Variants in AGBL4 observed in about 807,000 individuals in gnomAD.
AGBL4 encodes cytosolic carboxypeptidase 6.
A neutral mutation model predicts 66.4 loss-of-function variants in AGBL4; 58 were observed. That is an observed-to-expected ratio of 0.87 (90% CI 0.71 to 1.09). The LOEUF is 1.09. AGBL4 is among the 50% of genes least tolerant of loss of function. AGBL4 has a pLI of 0.00. For missense variants in AGBL4, 579 were observed against 631.0 expected, an observed-to-expected ratio of 0.92 and a Z score of 0.88; for synonymous variants, 234 against 222.9, an observed-to-expected ratio of 1.05 and a Z score of -0.44.
intron 4 of AGBL4, among the ~76,000 whole-genome samples, chr1:49,097,475 TA>T (rs562747195): frequency 1.3e-5 from 2 of 152,164 alleles, no homozygotes; most frequent in African/African-American, 4.8e-5. Flanking sequence ...ATACTTAATT[TA>T]AAAAAACCAG....
intron 2 of AGBL4, among the ~76,000 whole-genome samples, chr1:49,770,835 T>C (rs573764325): frequency 6.6e-6 from 1 of 152,332 alleles, no homozygotes; most frequent in South Asian, 2.1e-4. Context: ...ATCCTTTGTA[T>C]TTCTGTGATA....
chr1:48,893,192 G>T (rs1651143401), intron 5 of AGBL4, among the ~76,000 whole-genome samples: 1 of 152,130 alleles, frequency 6.6e-6, no homozygotes, highest in South Asian at 2.1e-4. Flanking sequence ...CCATGACAGA[G>T]GAGCTGGAGG....
At position 49,280,187 on chromosome 1, in the gene AGBL4, C is replaced by A. The variant is rs189108258; in HGVS notation, c.283-34323G>T. 2.4e-4 allele frequency among the ~76,000 whole-genome samples: 37 copies of A among 152,108 alleles called. No homozygotes were observed. In the East Asian group the frequency reaches 6.6e-3, roughly 27 times the overall value. ...CATTTCCCACACCCCTATGATTGCA[C>A]CCCCAACCAGTTAGCAGTAAGAACC... On this transcript the variant is annotated intron_variant, in intron 3 of 13. Coordinates refer to ENST00000371839, the MANE Select transcript of AGBL4 (RefSeq NM_032785.4).
chr1:49,741,764 G>C (rs142370897), intron 2 of AGBL4, among the ~76,000 whole-genome samples: 4,665 of 152,232 alleles, frequency 0.031, 118 homozygotes, highest in Non-Finnish European at 0.048. Flanking sequence ...ATCAATAAAT[G>C]TAGTCCAGCA....
At chr1:49,853,337 G>C (rs1029729906) in intron 1 of AGBL4, among the ~76,000 whole-genome samples, 2 of 152,092 alleles carry the variant, frequency 1.3e-5, no homozygotes, top group African/African-American at 4.8e-5. Context: ...AAAAATCACA[G>C]TAATAGAGAT....
intron 1 of AGBL4, among the ~76,000 whole-genome samples, chr1:49,876,081 C>A (rs1220671044): frequency 6.7e-6 from 1 of 148,258 alleles, no homozygotes; most frequent in South Asian, 2.1e-4. Context: ...GAGTAGGTTG[C>A]GAAAATTTTC....
intron 3 of AGBL4, among the ~76,000 whole-genome samples, chr1:49,544,805 G>A (rs1158101426): frequency 2.6e-5 from 4 of 152,168 alleles, no homozygotes; most frequent in Non-Finnish European, 5.9e-5. Context: ...TAACTGCCTT[G>A]AACATAATGC....
At chr1:49,398,166 A>C (rs1005843168) in intron 3 of AGBL4, among the ~76,000 whole-genome samples, 17 of 152,168 alleles carry the variant, frequency 1.1e-4, no homozygotes, top group Non-Finnish European at 1.9e-4. Flanking sequence ...AGTATTTCTG[A>C]CTGTCTGTGA....
chr1:49,130,459 A>C, intron 4 of AGBL4, among the ~76,000 whole-genome samples: 1 of 152,192 alleles, frequency 6.6e-6, no homozygotes, highest in Non-Finnish European at 1.5e-5. Flanking sequence ...CTAACGTTTA[A>C]GTCTTTAATC....
intron 5 of AGBL4, among the ~76,000 whole-genome samples, chr1:48,926,287 A>C (rs1654562671): frequency 7.0e-6 from 1 of 141,912 alleles, no homozygotes; most frequent in Admixed American, 7.1e-5. Context: ...ATTTTATTTT[A>C]TTTATTTTTG....
Position 48,588,103 on chromosome 1 carries a change from C to CA in AGBL4, c.1105-938_1105-937insT, listed in dbSNP as rs370181971. Among the ~76,000 whole-genome samples the CA allele has an allele frequency of 5.3e-3, 811 of 152,196 alleles. 8 individuals are homozygous for CA. The highest frequency in any genetic ancestry group is 6.9e-3 in the Non-Finnish European group (468 of 68,020). ...ATAGATGAGGAAACTGAGGTTTCCT[C>CA]TCTATAGATGAGGAATATGAGATTG... On this transcript the variant is annotated intron_variant, in intron 10 of 13. Coordinates refer to ENST00000371839, the MANE Select transcript of AGBL4 (RefSeq NM_032785.4).
At chr1:49,417,777 T>G (rs1046717805) in intron 3 of AGBL4, among the ~76,000 whole-genome samples, 3 of 152,160 alleles carry the variant, frequency 2.0e-5, no homozygotes, top group Non-Finnish European at 2.9e-5. Flanking sequence ...GTTTTTTATT[T>G]GACATGCAAT....
At chr1:49,884,948 A>G (rs1315333076) in intron 1 of AGBL4, among the ~76,000 whole-genome samples, 3 of 151,904 alleles carry the variant, frequency 2.0e-5, no homozygotes, top group Non-Finnish European at 4.4e-5. Context: ...ATCTAGAAAT[A>G]GACTTTAGGG....
intron 3 of AGBL4, among the ~76,000 whole-genome samples, chr1:49,463,286 C>T (rs1201765322): frequency 1.3e-5 from 2 of 151,652 alleles, no homozygotes; most frequent in African/African-American, 2.4e-5. Flanking sequence ...TTATGGAGAA[C>T]ATATATACCC....
At chr1:49,329,116 G>T (rs1429674118) in intron 3 of AGBL4, among the ~76,000 whole-genome samples, 1 of 151,740 alleles carries the variant, frequency 6.6e-6, no homozygotes, top group Non-Finnish European at 1.5e-5. Context: ...AGACCAGCCT[G>T]GCCAACATGG....
In AGBL4 at chr1:49,938,694, C is replaced by T. The variant is rs572755162; in HGVS notation, c.34+85069G>A. On this transcript the variant is annotated intron_variant, in intron 1 of 13. Coordinates refer to ENST00000371839, the MANE Select transcript of AGBL4 (RefSeq NM_032785.4). The stretch of plus-strand genomic sequence containing the variant: ...CGGGATGCAAGGCTGGTTCAATATA[C>T]GCAAATCAATAAACGTAATCCAGCA... Among the ~76,000 whole-genome samples, 43 of 152,204 alleles carry T rather than the reference C, an allele frequency of 2.8e-4. No homozygotes were observed. The East Asian group carries it at 4.8e-3, about 17-fold the overall frequency.
rs947807796 is a variant in AGBL4 at position 50,014,367 on chromosome 1, G to GA, written c.34+9395dup. ...GCCTGGCCAAGTGGGACTTTGTCTC[G>GA]AAAAAAAAAAAAGATAAAGAAAAAG... On this transcript the variant is annotated intron_variant, in intron 1 of 13. Transcript: ENST00000371839. Among the ~76,000 whole-genome samples, 665 of 138,694 alleles carry GA rather than the reference G, an allele frequency of 4.8e-3. 7 individuals carry two copies. The highest frequency in any genetic ancestry group is 0.015 in the African/African-American group (564 of 37,812). The allele number at this position is 138,694 out of a possible 152,430, so 91.0% of individuals were successfully genotyped here.
At chr1:50,006,766 C>T (rs974861487) in intron 1 of AGBL4, among the ~76,000 whole-genome samples, 2 of 151,824 alleles carry the variant, frequency 1.3e-5, no homozygotes, top group Admixed American at 6.6e-5. Context: ...CTTTCCCAGA[C>T]AAACAAAAGC....
At chr1:48,739,558 C>T (rs971926991) in intron 6 of AGBL4, among the ~76,000 whole-genome samples, 6 of 152,176 alleles carry the variant, frequency 3.9e-5, no homozygotes, top group African/African-American at 1.4e-4. Flanking sequence ...GCTGGAGCTG[C>T]CAGCCTGGGT....
Sources: allele counts gnomAD v4.1 joint callset (sites outside exome capture counted in the v4.1 genomes callset), GRCh38; gene constraint gnomAD v4.1.1; transcripts MANE v1.5; gene names NCBI Gene and HGNC (gene_info 2026-07-23, HGNC 2026-07-21).